Variants in TMEM181 observed in about 807,000 individuals in gnomAD.
TMEM181 encodes the protein G protein-coupled receptor 178.
TMEM181 carries 39 observed loss-of-function variants against 71.9 expected under a neutral mutation model. The ratio of observed to expected loss-of-function variants is 0.54; its 90% CI spans 0.42 to 0.71. The LOEUF (loss-of-function observed/expected upper bound fraction) is 0.71, where lower values mean the gene tolerates loss of function less well. TMEM181 is among the 30% of genes least tolerant of loss of function. The pLI, the probability that TMEM181 is intolerant of heterozygous loss-of-function variation, is 0.00. For synonymous variants in TMEM181, 245 were observed against 228.8 expected, an observed-to-expected ratio of 1.07 and a Z score of -0.64; for missense variants, 595 against 583.0, an observed-to-expected ratio of 1.02 and a Z score of -0.21.
chr6:158,622,472 C>CT lies in TMEM181; in HGVS notation c.897-1077dup, dbSNP rs145612768. Among the ~76,000 whole-genome samples, 635 of 152,258 alleles carry CT rather than the reference C, an allele frequency of 4.2e-3. 7 individuals are homozygous for CT. The highest frequency in any genetic ancestry group is 0.015 in the African/African-American group (608 of 41,548). On this transcript the variant is annotated intron_variant, in intron 10 of 16. Coordinates refer to ENST00000684151, the MANE Select transcript of TMEM181 (RefSeq NM_001376852.1). ...TGTCAGGAGCAGATGATGTGGCCGACTGACGGGCGAGCCACGTTTGCAGCC... is the reference window on the plus strand; with the variant it reads ...TGTCAGGAGCAGATGATGTGGCCGACTTGACGGGCGAGCCACGTTTGCAGCC...
Position 158,547,837 on chromosome 6 carries a change from A to G in TMEM181, c.131+10972A>G, listed in dbSNP as rs976471205. 5.6e-5 allele frequency among the ~76,000 whole-genome samples: 8 copies of G among 142,094 alleles called. No individual in the cohort carries two copies. The South Asian group carries it at 6.7e-4, about 12-fold the overall frequency. 93.2% of individuals were successfully genotyped at this position (142,094 alleles called of 152,430 possible). On this transcript the variant is annotated intron_variant, in intron 1 of 16. Transcript: ENST00000367090. The stretch of plus-strand genomic sequence containing the variant: ...AGGCCCCAGAAGTTGCGGTGAGTCG[A>G]TATCACGCCATTGCACTCCGGCCTG...
At chr6:158,606,357 G>T (rs1406043768) in intron 7 of TMEM181, among the ~76,000 whole-genome samples, 1 of 152,236 alleles carries the variant, frequency 6.6e-6, no homozygotes, top group Non-Finnish European at 1.5e-5. Flanking sequence ...GGCTCCCGCA[G>T]TGAGCTTCAT....
intron 5 of TMEM181, among the ~76,000 whole-genome samples, chr6:158,588,099 A>T (rs912670969): frequency 2.0e-5 from 3 of 152,228 alleles, no homozygotes; most frequent in African/African-American, 7.2e-5. Flanking sequence ...AGAGCTGATC[A>T]GGTGGAAAGG....
chr6:158,560,956 A>G (rs532884224), intron 1 of TMEM181, among the ~76,000 whole-genome samples: 11 of 152,004 alleles, frequency 7.2e-5, no homozygotes, highest in Non-Finnish European at 1.6e-4. Context: ...TCTGGAAAAG[A>G]AGGAGACGGA....
Position 158,573,588 on chromosome 6 carries a change from G to A in TMEM181, c.112+65G>A, listed in dbSNP as rs1247073702. ...GCGGTGGCCCTGGCGTATTGCTTTCGGTCAGCCCAGCTGTGCCCCTATCTT... is the reference window on the plus strand; with the variant it reads ...GCGGTGGCCCTGGCGTATTGCTTTCAGTCAGCCCAGCTGTGCCCCTATCTT... On this transcript the variant is annotated intron_variant, in intron 2 of 16. Transcript: ENST00000684151. 15 of 1,374,188 alleles carry A rather than the reference G, an allele frequency of 1.1e-5. No individual in the cohort carries two copies. The East Asian group carries it at 2.2e-4, about 21-fold the overall frequency. 85.1% of individuals were successfully genotyped at this position (1,374,188 alleles called of 1,614,324 possible). A position where few individuals can be genotyped will look rare whatever the true frequency, so the allele number is the denominator to read the frequency against.
Position 158,607,292 on chromosome 6 carries a change from A to T in TMEM181, c.622A>T (p.Ile208Phe). 6.2e-7 allele frequency: 1 copy of T among 1,614,188 alleles called. No individual in the cohort carries two copies. Among genetic ancestry groups the T allele is most frequent in the Non-Finnish European group, 8.5e-7 (1 of 1,180,024 alleles). ...GAAATTTTCCATGAGAGACTGGGGC[A>T]TCGAGCAGAAGTGGATGTCTGTTCT... ...LRKFSMRDWG[I>F]EQKWMSVLLP... The change falls in exon 8 of 17, where the codon ATC becomes TTC. Residue 208 changes from isoleucine to phenylalanine, a missense_variant. By Grantham distance (21) the Ile-to-Phe change is conservative. Coordinates refer to ENST00000684151, the MANE Select transcript of TMEM181 (RefSeq NM_001376852.1).
At chr6:158,611,834 CTT>C (rs954487567) in intron 10 of TMEM181, 1 of 185,386 alleles carries the variant, frequency 5.4e-6, no homozygotes, top group African/African-American at 2.4e-5. Flanking sequence ...GTCACTCTCT[CTT>C]ACAGGCTAAG....
At chr6:158,611,435 A>G (rs1343234431) in intron 10 of TMEM181, 5 of 539,128 alleles carry the variant, frequency 9.3e-6, no homozygotes, top group African/African-American at 1.9e-5. Context: ...GTCGAAGTCT[A>G]TCCGTCTTCC....
At chr6:158,541,908 T>G (rs1308632509) in intron 1 of TMEM181, among the ~76,000 whole-genome samples, 2 of 141,898 alleles carry the variant, frequency 1.4e-5, no homozygotes, top group African/African-American at 5.2e-5. Flanking sequence ...CTTTTTTTTT[T>G]TTTTTTTTTT....
At chr6:158,564,984 C>CT (rs574981496) in intron 1 of TMEM181, among the ~76,000 whole-genome samples, 88 of 152,324 alleles carry the variant, frequency 5.8e-4, no homozygotes, top group African/African-American at 2.0e-3. Context: ...AGTTCTCGGT[C>CT]TTACCCGCCT....
At chr6:158,537,605 A>G (rs1201984274) in intron 1 of TMEM181, among the ~76,000 whole-genome samples, 1 of 152,176 alleles carries the variant, frequency 6.6e-6, no homozygotes, top group African/African-American at 2.4e-5. Context: ...CGATTTACCC[A>G]AAGGCTTGGC....
chr6:158,582,288 C>T (rs762859840), intron 3 of TMEM181, among the ~76,000 whole-genome samples: 6 of 152,174 alleles, frequency 3.9e-5, no homozygotes, highest in Non-Finnish European at 8.8e-5. Flanking sequence ...ACACTGAACA[C>T]AGCAGCCATT....
At chr6:158,599,815 T>G (rs1225868308) in intron 6 of TMEM181, among the ~76,000 whole-genome samples, 3 of 152,232 alleles carry the variant, frequency 2.0e-5, no homozygotes, top group Admixed American at 2.0e-4. Flanking sequence ...AACTCAGCCT[T>G]TCAGGCCCTT....
chr6:158,590,304 C>CA (rs1157576221), intron 6 of TMEM181, among the ~76,000 whole-genome samples: 3 of 151,650 alleles, frequency 2.0e-5, no homozygotes, highest in Admixed American at 1.3e-4. Flanking sequence ...TGTTGAGCCT[C>CA]AGTTTTCTTA....
rs912300529 is a variant in TMEM181 at position 158,632,083 on chromosome 6, T to C, written c.*195T>C. 5.2e-6 allele frequency: 3 copies of C among 576,496 alleles called. No individual in the cohort carries two copies. The African/African-American group carries it at 5.6e-5, about 11-fold the overall frequency. The allele number at this position is 576,496 out of a possible 1,614,324, so 35.7% of individuals were successfully genotyped here. On this transcript the variant is annotated 3_prime_UTR_variant, in exon 17 of 17. Coordinates refer to ENST00000684151, the MANE Select transcript of TMEM181 (RefSeq NM_001376852.1). ...TAGCCAAATTTATTGTCATGGTGGCTACGAGAAGAGGCATTGATAACAAGT... is the reference window on the plus strand; with the variant it reads ...TAGCCAAATTTATTGTCATGGTGGCCACGAGAAGAGGCATTGATAACAAGT...
intron 13 of TMEM181, 84 bp downstream of exon 13, chr6:158,625,838 T>C: frequency 7.9e-7 from 1 of 1,268,724 alleles, no homozygotes; most frequent in South Asian, 1.3e-5. Context: ...TTTTGTGGAG[T>C]GGATTTCAGG....
chr6:158,560,311 C>CGCCGT, intron 1 of TMEM181, 79 bp downstream of exon 1: 3 of 985,236 alleles, frequency 3.0e-6, no homozygotes, highest in Non-Finnish European at 3.6e-6. Context: ...TGGCTCCCGG[C>CGCCGT]GCCGTGCCGC....
At chr6:158,560,497 C>T (rs1431831621) in intron 1 of TMEM181, among the ~76,000 whole-genome samples, 1 of 152,182 alleles carries the variant, frequency 6.6e-6, no homozygotes, top group African/African-American at 2.4e-5. Flanking sequence ...GGTTCCGGGA[C>T]GGGGCTGCGA....
intron 13 of TMEM181, 42 bp from the exon 14 acceptor site, chr6:158,628,366 G>T: frequency 6.3e-7 from 1 of 1,594,988 alleles, no homozygotes; most frequent in Non-Finnish European, 8.6e-7. Flanking sequence ...TGCCGTTTTC[G>T]TGCATGTTTA....
Sources: gnomAD v4.1 joint callset for allele counts (sites outside exome capture counted in the v4.1 genomes callset) on GRCh38, gnomAD v4.1.1 for gene constraint, MANE v1.5 for transcripts, NCBI Gene and HGNC (gene_info 2026-07-23, HGNC 2026-07-21) for gene names.